SOS1: variants seen among roughly 807,000 people sequenced by gnomAD.
SOS1 encodes the protein SOS Ras/Rac guanine nucleotide exchange factor 1.
In SOS1, 25 loss-of-function variants were observed where a neutral mutation model predicts 157.6. The ratio of observed to expected loss-of-function variants is 0.16; its 90% confidence interval spans 0.12 to 0.22. SOS1 has a LOEUF of 0.22. Among genes scored for constraint, SOS1 ranks in the 10% least tolerant of loss-of-function variants. SOS1 has a pLI of 1.00. For synonymous variants in SOS1, 528 were observed against 534.0 expected (o/e 0.99, Z 0.16); for missense variants, 1,237 against 1,599.1 (o/e 0.77, Z 3.86).
intron 1 of SOS1, among the ~76,000 whole-genome samples, chr2:39,095,039 C>A (rs955488890): frequency 4.6e-5 from 7 of 152,154 alleles, no homozygotes; most frequent in African/African-American, 1.4e-4. Context: ...TCCTCAGTCT[C>A]CAGTTCATCC....
chr2:39,080,203 T>G (rs1672154662), intron 1 of SOS1, among the ~76,000 whole-genome samples: 1 of 151,832 alleles, frequency 6.6e-6, no homozygotes, highest in Non-Finnish European at 1.5e-5. Context: ...TGGGAGACAG[T>G]GACAGATCAT....
At chr2:39,044,100 T>C (rs545452533) in intron 6 of SOS1, among the ~76,000 whole-genome samples, 40 of 152,320 alleles carry the variant, frequency 2.6e-4, no homozygotes, top group Middle Eastern at 3.4e-3. Context: ...CTCACGTATG[T>C]AATACCAGCA....
chr2:39,075,177 T>G (rs79049902), intron 1 of SOS1, among the ~76,000 whole-genome samples: 2 of 151,924 alleles, frequency 1.3e-5, no homozygotes, highest in Non-Finnish European at 2.9e-5. Context: ...AGAAGAGAGA[T>G]TGAAGACCTG....
Position 38,985,717 on chromosome 2 carries a change from A to T in SOS1, c.*107T>A. 405 of 1,044,586 alleles carry T rather than the reference A, an allele frequency of 3.9e-4. No individual in the cohort carries two copies. Among genetic ancestry groups the T allele is most frequent in the Middle Eastern group, 8.5e-4 (3 of 3,522 alleles). The allele number at this position is 1,044,586 out of a possible 1,614,324, so 64.7% of individuals were successfully genotyped here. On this transcript the variant is annotated 3_prime_UTR_variant, in exon 23 of 23. Coordinates refer to ENST00000402219, the MANE Select transcript of SOS1 (RefSeq NM_005633.4). ...TACTGCATCTTGAAGAAGAGTCGTT[A>T]GTGTTTGGAGTTCTCATTTTAACTC... is the stretch of plus-strand genomic sequence containing the variant.
At chr2:39,057,588 A>G (rs2124608763) in intron 3 of SOS1, among the ~76,000 whole-genome samples, 1 of 152,248 alleles carries the variant, frequency 6.6e-6, no homozygotes, top group African/African-American at 2.4e-5. Flanking sequence ...CTTTTAGGGT[A>G]TATAAAAACT....
chr2:38,987,864 T>C lies in SOS1; in HGVS notation c.3392-273A>G, dbSNP rs189663292. The C allele has an allele frequency of 3.4e-4, 126 of 373,832 alleles. 1 individual carries two copies. Among genetic ancestry groups the C allele is most frequent in the Middle Eastern group, 2.4e-3 (3 of 1,226 alleles). The allele number at this position is 373,832 out of a possible 1,614,324, so 23.2% of individuals were successfully genotyped here. ...TAACATTCCCATGGTTACTCTATTA[T>C]TGAAATTTTTAATTGAGTCTGATTC... On this transcript the variant is annotated intron_variant, in intron 21 of 22. Transcript: ENST00000402219.
intron 17 of SOS1, among the ~76,000 whole-genome samples, chr2:39,000,857 A>T (rs1000482156): frequency 3.9e-5 from 6 of 152,252 alleles, no homozygotes; most frequent in Non-Finnish European, 7.3e-5. Context: ...TTCAAAATAG[A>T]AGAGAGACAT....
At chr2:39,089,530 C>CAAAAAA (rs56688960) in intron 1 of SOS1, among the ~76,000 whole-genome samples, 1 of 118,100 alleles carries the variant, frequency 8.5e-6, no homozygotes, top group Admixed American at 9.3e-5. Context: ...ACTCTGTCTC[C>CAAAAAA]AAAAAAAAAA....
At chr2:38,987,019 G>A (rs1487666428) in intron 22 of SOS1, among the ~76,000 whole-genome samples, 2 of 150,218 alleles carry the variant, frequency 1.3e-5, no homozygotes, top group Non-Finnish European at 2.9e-5. Flanking sequence ...TTGAGCCTTT[G>A]GGGTCTCTTC....
rs756250494 is a variant in SOS1, at chr2:39,038,626, C to T, written c.865-3126G>A. On this transcript the variant is annotated intron_variant, in intron 6 of 22. Transcript: ENST00000402219. ...GCACACACCTGTAGTCCTAGCTACT[C>T]GGGAGGCTGAGGCAGGAGAATCGCT... Among the ~76,000 whole-genome samples, 107 of 149,628 alleles carry T rather than the reference C, an allele frequency of 7.2e-4. 1 individual carries two copies. Among genetic ancestry groups the T allele is most frequent in the Non-Finnish European group, 1.3e-3 (88 of 67,574 alleles).
At chr2:39,061,317 C>T (rs1671394340) in intron 2 of SOS1, among the ~76,000 whole-genome samples, 1 of 146,046 alleles carries the variant, frequency 6.8e-6, no homozygotes, top group Admixed American at 6.9e-5. Flanking sequence ...TACTTTATTT[C>T]TTGTAGTGGC....
At chr2:39,094,141 T>C (rs939678516) in intron 1 of SOS1, among the ~76,000 whole-genome samples, 1 of 152,156 alleles carries the variant, frequency 6.6e-6, no homozygotes, top group Non-Finnish European at 1.5e-5. Flanking sequence ...GCTAATTTTT[T>C]TTTTGTTTGT....
At chr2:39,021,544 A>G (rs1477817645) in intron 10 of SOS1, among the ~76,000 whole-genome samples, 1 of 149,140 alleles carries the variant, frequency 6.7e-6, no homozygotes, top group African/African-American at 2.5e-5. Flanking sequence ...AAAAAAAAAA[A>G]AAATTAAAAC....
At position 38,986,156 on chromosome 2, in the gene SOS1, C is replaced by T; in HGVS notation, c.3670G>A (p.Asp1224Asn). Reference protein sequence around the residue: ...LPPREPVRTPDVFSSSPLHLQ... With the variant: ...LPPREPVRTPNVFSSSPLHLQ... ...TGTAGTGGTGAGCTTGAGAAAACAT[C>T]AGGTGTCCTCACAGGTTCTCGTGGT... The change falls in exon 23 of 23, where the codon GAT (aspartate) becomes AAT (asparagine). Residue 1224 changes from aspartate (D) to asparagine (N), a missense_variant. Around this residue, in one of 15 missense-constraint regions of SOS1, gnomAD observed 306 missense variants for 322.6 expected, o/e 0.95. Coordinates refer to ENST00000402219, the MANE Select transcript of SOS1 (RefSeq NM_005633.4). The T allele has an allele frequency of 6.2e-7, 1 of 1,613,708 alleles. No homozygotes were observed. Among genetic ancestry groups the T allele is most frequent in the Non-Finnish European group, 8.5e-7 (1 of 1,179,834 alleles).
In SOS1 at chr2:39,038,732, C is replaced by CAAAAAAAAAAAAAAAAAAA; in HGVS notation, c.865-3233_865-3232insTTTTTTTTTTTTTTTTTTT. Among the ~76,000 whole-genome samples the CAAAAAAAAAAAAAAAAAAA allele has an allele frequency of 1.4e-3, 26 of 18,212 alleles. 9 individuals carry two copies. Among genetic ancestry groups the CAAAAAAAAAAAAAAAAAAA allele is most frequent in the East Asian group, 4.0e-3 (3 of 742 alleles). The allele number at this position is 18,212 out of a possible 152,430, so 11.9% of individuals were successfully genotyped here. A position where few individuals can be genotyped will look rare whatever the true frequency, so the allele number is the denominator to read the frequency against. On this transcript the variant is annotated intron_variant, in intron 6 of 22. Coordinates refer to ENST00000402219, the MANE Select transcript of SOS1 (RefSeq NM_005633.4). ...CTGGCAACAAAATGAGACTCCGTCT[C>CAAAAAAAAAAAAAAAAAAA]AAAAAAAAAAAAAAAAGTCGTTTCT...
intron 10 of SOS1, 135 bp from the exon 11 acceptor site, chr2:39,014,981 G>T: frequency 1.6e-6 from 1 of 637,298 alleles, no homozygotes; most frequent in Non-Finnish European, 2.9e-6. Flanking sequence ...GAAGGCTTTG[G>T]ACTTGGTAAT....
At chr2:38,989,458 CTACT>C (rs1446067407) in intron 20 of SOS1, 144 bp from the exon 21 acceptor site, 11 of 604,380 alleles carry the variant, frequency 1.8e-5, no homozygotes, top group East Asian at 2.9e-5. Flanking sequence ...AACCTCATTA[CTACT>C]TACTTTTGAG....
upstream of SOS1, among the ~76,000 whole-genome samples, chr2:39,123,358 T>A (rs533606211): frequency 2.0e-4 from 30 of 152,188 alleles, no homozygotes; most frequent in Admixed American, 1.1e-3. Context: ...ACAATCTTTT[T>A]TTTTTTTTTT....
intron 3 of SOS1, among the ~76,000 whole-genome samples, chr2:39,058,234 A>G (rs1028723076): frequency 6.6e-6 from 1 of 152,036 alleles, no homozygotes; most frequent in African/African-American, 2.4e-5. Context: ...GATAAGTAGG[A>G]CTGGAGAGTT....
Sources: allele counts gnomAD v4.1 joint callset (sites outside exome capture counted in the v4.1 genomes callset), GRCh38; gene constraint gnomAD v4.1.1; regional missense constraint gnomAD v4.1.1; transcripts MANE v1.5; gene names NCBI Gene and HGNC (gene_info 2026-07-23, HGNC 2026-07-21).